ADAM23: variants seen among roughly 807,000 people sequenced by gnomAD.
The protein encoded by ADAM23 is disintegrin and metalloproteinase domain-containing protein 23.
A neutral mutation model predicts 120.1 loss-of-function variants in ADAM23; 33 were observed. The ratio of observed to expected loss-of-function variants is 0.27; its 90% CI spans 0.21 to 0.37. ADAM23 has a LOEUF of 0.37. Among genes scored for constraint, ADAM23 ranks in the 10% least tolerant of loss-of-function variants. The pLI is 1.00. For synonymous variants in ADAM23, 367 were observed against 375.2 expected (o/e 0.98, Z 0.25); for missense variants, 862 against 1,058.2 (o/e 0.81, Z 2.57).
At chr2:206,567,853 A>G (rs985529745) in intron 15 of ADAM23, among the ~76,000 whole-genome samples, 15 of 152,172 alleles carry the variant, frequency 9.9e-5, no homozygotes, top group Non-Finnish European at 1.6e-4. Flanking sequence ...ACTTATAATC[A>G]TGGTAGAAGG....
At chr2:206,580,562 G>A (rs1485404034) in intron 18 of ADAM23, among the ~76,000 whole-genome samples, 4 of 152,126 alleles carry the variant, frequency 2.6e-5, no homozygotes, top group Non-Finnish European at 5.9e-5. Flanking sequence ...TCCCTGGTAC[G>A]AAACCCACTT....
chr2:206,578,235 A>G (rs1280622117), intron 18 of ADAM23, among the ~76,000 whole-genome samples: 1 of 152,124 alleles, frequency 6.6e-6, no homozygotes, highest in Non-Finnish European at 1.5e-5. Flanking sequence ...TTTGGGGTAC[A>G]GGTGGTATTT....
chr2:206,525,732 C>T (rs1362332164), intron 3 of ADAM23, among the ~76,000 whole-genome samples: 3 of 152,014 alleles, frequency 2.0e-5, no homozygotes, highest in African/African-American at 7.2e-5. Flanking sequence ...GCTGGGATTA[C>T]AGACGCTCAC....
intron 3 of ADAM23, among the ~76,000 whole-genome samples, chr2:206,504,759 G>T (rs529827222): frequency 1.8e-4 from 28 of 152,282 alleles, no homozygotes; most frequent in Non-Finnish European, 3.2e-4. Context: ...TCCCCTTGGG[G>T]TGTGTTGAGC....
chr2:206,530,799 C>A, intron 3 of ADAM23, 86 bp from the exon 4 acceptor site: 1 of 1,126,868 alleles, frequency 8.9e-7, no homozygotes, highest in Non-Finnish European at 1.3e-6. Flanking sequence ...GTTTGCATGC[C>A]CCTCACGTTC....
At chr2:206,599,004 A>G (rs1698584564) in intron 24 of ADAM23, among the ~76,000 whole-genome samples, 1 of 151,908 alleles carries the variant, frequency 6.6e-6, no homozygotes. Flanking sequence ...CAGGAGTTTG[A>G]GACCAGCCTG....
chr2:206,464,564 G>C (rs1695500363), intron 2 of ADAM23, among the ~76,000 whole-genome samples: 1 of 151,170 alleles, frequency 6.6e-6, no homozygotes, highest in African/African-American at 2.4e-5. Flanking sequence ...GACAGAGTGA[G>C]ACTGTCTCAA....
intron 18 of ADAM23, among the ~76,000 whole-genome samples, chr2:206,573,946 T>G (rs1374327580): frequency 2.0e-5 from 3 of 151,854 alleles, no homozygotes; most frequent in African/African-American, 7.3e-5. Flanking sequence ...ATTAACAGAG[T>G]TTTTGCTTAG....
intron 3 of ADAM23, among the ~76,000 whole-genome samples, chr2:206,485,342 G>A (rs1186255778): frequency 6.6e-6 from 1 of 152,172 alleles, no homozygotes; most frequent in Admixed American, 6.5e-5. Context: ...GAGGAAAGAG[G>A]GACCTCATTT....
intron 10 of ADAM23, among the ~76,000 whole-genome samples, chr2:206,559,030 C>T (rs1240011008): frequency 1.3e-5 from 2 of 152,038 alleles, no homozygotes; most frequent in East Asian, 1.9e-4. Flanking sequence ...CTGCAAGCTC[C>T]GCCTCCCAGG....
intron 22 of ADAM23, among the ~76,000 whole-genome samples, chr2:206,594,492 T>C (rs2105850894): frequency 6.6e-6 from 1 of 152,324 alleles, no homozygotes; most frequent in African/African-American, 2.4e-5. Flanking sequence ...TAGAATATAC[T>C]TTGTGCAAAT....
intron 21 of ADAM23, among the ~76,000 whole-genome samples, chr2:206,591,285 A>C (rs1574553431): frequency 6.6e-6 from 1 of 152,346 alleles, no homozygotes; most frequent in Non-Finnish European, 1.5e-5. Context: ...CAAGAAATAA[A>C]ACATTGCAGC....
chr2:206,617,125 GTA>G (rs1490780721), intron 25 of ADAM23, among the ~76,000 whole-genome samples: 1 of 152,122 alleles, frequency 6.6e-6, no homozygotes, highest in Non-Finnish European at 1.5e-5. Flanking sequence ...TGCCACCTTG[GTA>G]AAGGCCAGTT....
In ADAM23 at chr2:206,542,088, G is replaced by A. The variant is rs756318376; in HGVS notation, c.610G>A (p.Gly204Ser). 3 of 1,614,048 alleles carry A rather than the reference G, an allele frequency of 1.9e-6. No homozygotes were observed. The highest frequency in any genetic ancestry group is 1.3e-5 in the African/African-American group (1 of 74,916). ...CTGTTACTACCATGGAAGCATCAGA[G>A]GCGTCAAAGACTCCAAGGTGGCTCT... ...EHCYYHGSIR[G>S]VKDSKVALST... The change falls in exon 5 of 26, where the codon GGC becomes AGC. Residue 204 changes from glycine (G) to serine (S), a missense_variant. Gly to Ser is a moderately conservative substitution (Grantham distance 56). Coordinates refer to ENST00000264377, the MANE Select transcript of ADAM23 (RefSeq NM_003812.4).
chr2:206,460,811 C>G (rs1307886489), intron 2 of ADAM23, among the ~76,000 whole-genome samples: 1 of 152,142 alleles, frequency 6.6e-6, no homozygotes, highest in Non-Finnish European at 1.5e-5. Flanking sequence ...GAAATCATTG[C>G]CAAATCCTAT....
intron 9 of ADAM23, among the ~76,000 whole-genome samples, chr2:206,555,513 ACT>A (rs1429563878): frequency 2.0e-5 from 3 of 152,084 alleles, no homozygotes; most frequent in East Asian, 1.9e-4. Flanking sequence ...CATTCTTGGC[ACT>A]CTCTAATTTA....
intron 7 of ADAM23, 94 bp from the exon 8 acceptor site, chr2:206,548,187 A>G (rs780733506): frequency 3.8e-5 from 43 of 1,135,092 alleles, no homozygotes; most frequent in East Asian, 7.1e-5. Context: ...TTTGACATAT[A>G]TTATCAGTGC....
intron 18 of ADAM23, among the ~76,000 whole-genome samples, chr2:206,583,757 T>C (rs1698267800): frequency 6.6e-6 from 1 of 152,164 alleles, no homozygotes; most frequent in African/African-American, 2.4e-5. Flanking sequence ...TATTTCTCCC[T>C]TCTTCCATCA....
chr2:206,464,284 T>C (rs1574481003), intron 2 of ADAM23, among the ~76,000 whole-genome samples: 1 of 78,744 alleles, frequency 1.3e-5, no homozygotes, highest in African/African-American at 4.3e-5. Flanking sequence ...GAAAATAAAG[T>C]TGAATTTTGA....
Sources: allele counts gnomAD v4.1 joint callset (sites outside exome capture counted in the v4.1 genomes callset), GRCh38; gene constraint gnomAD v4.1.1; transcripts MANE v1.5; gene names NCBI Gene and HGNC (gene_info 2026-07-23, HGNC 2026-07-21).